SELENON: variants seen among roughly 807,000 people sequenced by gnomAD.
SELENON encodes the protein selenoprotein N.
Under a neutral mutation model 59.5 loss-of-function variants are expected in SELENON, and 44 were observed. That is an observed-to-expected ratio of 0.74 (90% CI 0.58 to 0.95). The LOEUF is 0.95. SELENON is among the 40% of genes least tolerant of loss of function. SELENON has a pLI of 0.00. For synonymous variants in SELENON, 320 were observed against 305.6 expected (o/e 1.05, Z -0.49); for missense variants, 674 against 721.4 (o/e 0.93, Z 0.75).
In SELENON at chr1:25,809,722, C is replaced by A; in HGVS notation, c.912C>A (p.Phe304Leu). Residue 304 changes from phenylalanine to leucine, a missense_variant, in exon 7 of 13, where the codon TTC becomes TTA. Phe to Leu is a conservative substitution (Grantham distance 22). Transcript: ENST00000361547. ...TCCAGCTCAGTGAGCCGCCCGACTT[C>A]CCCTTTTGGTTCTCCCCTGCTCAGT... 6.2e-7 allele frequency: 1 copy of A among 1,614,172 alleles called. No individual in the cohort carries two copies. The highest frequency in any genetic ancestry group is 2.2e-5 in the East Asian group (1 of 44,882).
At position 25,815,827 on chromosome 1, in the gene SELENON, G is replaced by C. The variant is rs1557434922; in HGVS notation, c.*109G>C. 1 of 1,197,366 alleles carries C rather than the reference G, an allele frequency of 8.4e-7. No individual in the cohort carries two copies. Among genetic ancestry groups the C allele is most frequent in the Non-Finnish European group, 1.2e-6 (1 of 834,760 alleles). The allele number at this position is 1,197,366 out of a possible 1,614,324, so 74.2% of individuals were successfully genotyped here. On this transcript the variant is annotated 3_prime_UTR_variant, in exon 13 of 13. Transcript: ENST00000361547. ...CCCACTCCCACCCCACTCCTAGGCT[G>C]CCTTGGAGGGTACAAGATCCACTGA...
At chr1:25,811,028 G>A (rs1380853128) in intron 7 of SELENON, among the ~76,000 whole-genome samples, 1 of 152,234 alleles carries the variant, frequency 6.6e-6, no homozygotes, top group African/African-American at 2.4e-5. Context: ...TCGTGCGGCG[G>A]ATCTGCAGAT....
In SELENON at chr1:25,809,840, C is replaced by T. The variant is rs1553120231; in HGVS notation, c.1010+20C>T. 1 of 1,611,694 alleles carries T rather than the reference C, an allele frequency of 6.2e-7. No homozygotes were observed. The highest frequency in any genetic ancestry group is 8.5e-7 in the Non-Finnish European group (1 of 1,179,986). On this transcript the variant is annotated intron_variant, in intron 7 of 12. Coordinates refer to ENST00000361547, the MANE Select transcript of SELENON (RefSeq NM_020451.3). ...CCACAGGTGGGAGCTTGACCCTGGC[C>T]CAGCCTTGGCTCCCTCCTACAGCTT...
Position 25,812,770 on chromosome 1 carries a change from C to T in SELENON, c.1365C>T (p.Ala455=). The change falls in exon 10 of 13, where the codon GCC becomes GCT. Residue 455 remains alanine (A), a synonymous_variant. Coordinates refer to ENST00000361547, the MANE Select transcript of SELENON (RefSeq NM_020451.3). ...TGCACTCAATCCTGCTGTGGGGGGC[C>T]CTGGATGACCAGTCCTGCTGAGGTG... 1 of 1,613,350 alleles carries T rather than the reference C, an allele frequency of 6.2e-7. No homozygotes were observed. The highest frequency in any genetic ancestry group is 1.3e-5 in the African/African-American group (1 of 74,988).
At position 25,816,065 on chromosome 1, in the gene SELENON, T is replaced by C. The variant is rs1429419025; in HGVS notation, c.*347T>C. 1.9e-5 allele frequency: 4 copies of C among 211,358 alleles called. No individual in the cohort carries two copies. Among genetic ancestry groups the C allele is most frequent in the Non-Finnish European group, 3.8e-5 (4 of 105,124 alleles). The allele number at this position is 211,358 out of a possible 1,614,324, so 13.1% of individuals were successfully genotyped here. On this transcript the variant is annotated 3_prime_UTR_variant, in exon 13 of 13. Transcript: ENST00000361547. Reference sequence around the variant, plus strand: ...GTCTAGGCCCTTGTGGGGTGAAGAATGGAGGGAGGAGCAGGCTAGGAAGAC... The same window carrying C: ...GTCTAGGCCCTTGTGGGGTGAAGAACGGAGGGAGGAGCAGGCTAGGAAGAC...
rs911937146 is a variant in SELENON at position 25,800,291 on chromosome 1, C to CCCGCGCCA, written c.69_76dup (p.Arg26HisfsTer43). On this transcript the variant is annotated frameshift_variant, in exon 1 of 13. Transcript: ENST00000361547. LOFTEE classifies it high-confidence loss of function. Reference sequence around the variant, plus strand: ...CAGCCCCGGCCCCGCCGCGCAGCCTCCCGCGCCACCGCGCCGCCGCGCCCG... The same window carrying CCCGCGCCA: ...CAGCCCCGGCCCCGCCGCGCAGCCTCCCGCGCCACCGCGCCACCGCGCCGCCGCGCCCG... 1.0e-6 allele frequency: 1 copy of CCCGCGCCA among 990,956 alleles called. No individual in the cohort carries two copies. Among genetic ancestry groups the CCCGCGCCA allele is most frequent in the African/African-American group, 1.8e-5 (1 of 56,792 alleles). 61.4% of individuals were successfully genotyped at this position (990,956 alleles called of 1,614,324 possible). A position where few individuals can be genotyped will look rare whatever the true frequency, so the allele number is the denominator to read the frequency against.
chr1:25,809,636 G>C (rs770678072), intron 6 of SELENON, 47 bp from the exon 6 acceptor site: 4 of 1,610,300 alleles, frequency 2.5e-6, no homozygotes, highest in East Asian at 4.5e-5. Context: ...CCGGGCTCCT[G>C]GGGAGAAGGT....
chr1:25,808,061 C>T (rs1284019394), intron 4 of SELENON, among the ~76,000 whole-genome samples: 1 of 152,228 alleles, frequency 6.6e-6, no homozygotes, highest in Non-Finnish European at 1.5e-5. Flanking sequence ...GGACTTAGCT[C>T]CAAACCGAAA....
chr1:25,800,313 C>T lies in SELENON; in HGVS notation c.83C>T (p.Ala28Val). 1 of 999,588 alleles carries T rather than the reference C, an allele frequency of 1.0e-6. No individual in the cohort carries two copies. The highest frequency in any genetic ancestry group is 1.2e-6 in the Non-Finnish European group (1 of 839,828). The allele number at this position is 999,588 out of a possible 1,614,324, so 61.9% of individuals were successfully genotyped here. The stretch of plus-strand genomic sequence containing the variant: ...CCTCCCGCGCCACCGCGCCGCCGCG[C>T]CCGTTCCCTGGCGCTGCTCGGAGCC... The change falls in exon 1 of 13, where the codon GCC becomes GTC. Residue 28 changes from alanine (A) to valine (V), a missense_variant. Transcript: ENST00000361547.
Position 25,800,234 on chromosome 1 carries a change from G to GGCCGGGCCCGGCCGGGCCAACGCGGGCC in SELENON, c.8_35dup (p.Ser13GlyfsTer79), listed in dbSNP as rs2047847645. The GGCCGGGCCCGGCCGGGCCAACGCGGGCC allele has an allele frequency of 1.2e-6, 1 of 812,034 alleles. No individual in the cohort carries two copies. Among genetic ancestry groups the GGCCGGGCCCGGCCGGGCCAACGCGGGCC allele is most frequent in the African/African-American group, 1.9e-5 (1 of 53,240 alleles). The allele number at this position is 812,034 out of a possible 1,614,324, so 50.3% of individuals were successfully genotyped here. ...GCAGCCGCCGCCAGCCGCAGCCATG[G>GGCCGGGCCCGGCCGGGCCAACGCGGGCC]GCCGGGCCCGGCCGGGCCAACGCGG... On this transcript the variant is annotated frameshift_variant, in exon 1 of 13. Transcript: ENST00000361547. LOFTEE classifies it high-confidence loss of function.
intron 5 of SELENON, 29 bp downstream of exon 4, chr1:25,808,818 C>T (rs755042861): frequency 6.2e-7 from 1 of 1,612,590 alleles, no homozygotes; most frequent in Non-Finnish European, 8.5e-7. Context: ...CGACGTGGGG[C>T]CCCTCCGCCC....
At position 25,800,293 on chromosome 1, in the gene SELENON, C is replaced by G; in HGVS notation, c.63C>G (p.Pro21=). 1.0e-6 allele frequency: 1 copy of G among 991,014 alleles called. No individual in the cohort carries two copies. The highest frequency in any genetic ancestry group is 1.2e-6 in the Non-Finnish European group (1 of 834,038). 61.4% of individuals were successfully genotyped at this position (991,014 alleles called of 1,614,324 possible). Reference sequence around the variant, plus strand: ...GCCCCGGCCCCGCCGCGCAGCCTCCCGCGCCACCGCGCCGCCGCGCCCGTT... The same window carrying G: ...GCCCCGGCCCCGCCGCGCAGCCTCCGGCGCCACCGCGCCGCCGCGCCCGTT... Residue 21 remains proline (P), a synonymous_variant, in exon 1 of 13, where the codon CCC becomes CCG. Transcript: ENST00000361547.
chr1:25,814,213 G>A (rs371174332), intron 12 of SELENON, 35 bp downstream of exon 11: 31 of 1,570,744 alleles, frequency 2.0e-5, no homozygotes, highest in Non-Finnish European at 2.7e-5. Flanking sequence ...CAGGGCCCAG[G>A]CACCTCGGGG....
intron 3 of SELENON, among the ~76,000 whole-genome samples, chr1:25,802,707 A>G (rs201689799): frequency 6.6e-6 from 1 of 152,088 alleles, no homozygotes; most frequent in Non-Finnish European, 1.5e-5. Flanking sequence ...GTGATTATTT[A>G]TTTATTTATT....
chr1:25,807,863 TCAGA>T lies in SELENON; in HGVS notation c.538-712_538-709del, dbSNP rs2047921166. On this transcript the variant is annotated intron_variant, in intron 4 of 12. Transcript: ENST00000361547. The surrounding 1 kb of genome is among the most constrained non-coding windows in gnomAD (Gnocchi z 4.5). The stretch of plus-strand genomic sequence containing the variant: ...GCGTCCTCTCCGAGCCATCAGCTTG[TCAGA>T]CAGAGGCGAGGCAGGTCACCGATGA... Among the ~76,000 whole-genome samples, 1 of 152,122 alleles carries T rather than the reference TCAGA, an allele frequency of 6.6e-6. No homozygotes were observed. The highest frequency in any genetic ancestry group is 1.9e-4 in the East Asian group (1 of 5,168).
chr1:25,808,555 G>A (rs767734859), intron 4 of SELENON, 25 bp from the exon 4 acceptor site: 2 of 1,612,118 alleles, frequency 1.2e-6, no homozygotes, highest in African/African-American at 1.3e-5. Flanking sequence ...TCAGATTCCT[G>A]GAGCTTTGCT....
At position 25,802,014 on chromosome 1, in the gene SELENON, A is replaced by T; in HGVS notation, c.302-2A>T. 3.9e-6 allele frequency: 1 copy of T among 254,492 alleles called. No homozygotes were observed. Among genetic ancestry groups the T allele is most frequent in the Non-Finnish European group, 8.0e-6 (1 of 124,272 alleles). 15.8% of individuals were successfully genotyped at this position (254,492 alleles called of 1,614,324 possible). On this transcript the variant is annotated splice_acceptor_variant, in intron 2 of 12. Coordinates refer to ENST00000361547, the MANE Select transcript of SELENON (RefSeq NM_020451.3). LOFTEE classifies it high-confidence loss of function. The stretch of plus-strand genomic sequence containing the variant: ...ATAACTTTTTTTTTTTTTTTGAGAC[A>T]GGGTCTTGTTCTGTCACCCAGACTG...
Position 25,802,082 on chromosome 1 carries a change from C to G in SELENON, c.368C>G (p.Pro123Arg). Residue 123 changes from proline (P) to arginine (R), a missense_variant, in exon 3 of 13, where the codon CCC (proline) becomes CGC (arginine). Pro to Arg is a moderately radical substitution (Grantham distance 103). Transcript: ENST00000361547. Reference sequence around the variant, plus strand: ...CACAGCTCACTGCAGCCTCAACTTCCCTGGCTCAATTGATCCTCCTGCCTC... The same window carrying G: ...CACAGCTCACTGCAGCCTCAACTTCGCTGGCTCAATTGATCCTCCTGCCTC... 1 of 309,334 alleles carries G rather than the reference C, an allele frequency of 3.2e-6. No individual in the cohort carries two copies. Among genetic ancestry groups the G allele is most frequent in the Non-Finnish European group, 6.7e-6 (1 of 148,814 alleles). The allele number at this position is 309,334 out of a possible 1,614,324, so 19.2% of individuals were successfully genotyped here.
chr1:25,809,807 G>A lies in SELENON; in HGVS notation c.997G>A (p.Val333Met), dbSNP rs200115221. 2.5e-5 allele frequency: 41 copies of A among 1,613,550 alleles called. No individual in the cohort carries two copies. In the East Asian group the frequency reaches 6.0e-4, roughly 24 times the overall value. ...CCACGTCCGCGACTTCCGGCTCTTC[G>A]TGCCCAACCACAGGTGGGAGCTTGA... The change falls in exon 7 of 13, where the codon GTG becomes ATG. Residue 333 changes from valine (V) to methionine (M), a missense_variant. Physicochemically the swap from Val to Met is conservative, Grantham distance 21. Coordinates refer to ENST00000361547, the MANE Select transcript of SELENON (RefSeq NM_020451.3).
Sources: allele counts gnomAD v4.1 joint callset (sites outside exome capture counted in the v4.1 genomes callset), GRCh38; gene constraint gnomAD v4.1.1; non-coding constraint Gnocchi (gnomAD v3.1); transcripts MANE v1.5; gene names NCBI Gene and HGNC (gene_info 2026-07-23, HGNC 2026-07-21).